Variants in PPP3CA observed in about 807,000 individuals in gnomAD.
PPP3CA encodes CAM-PRP catalytic subunit.
A neutral mutation model predicts 66.5 loss-of-function variants in PPP3CA; 14 were observed. The ratio of observed to expected loss-of-function variants is 0.21; its 90% CI spans 0.14 to 0.33. The LOEUF is 0.33. Among genes scored for constraint, PPP3CA ranks in the 10% least tolerant of loss-of-function variants. PPP3CA has a pLI of 1.00. For missense variants in PPP3CA, 317 were observed against 639.5 expected, an observed-to-expected ratio of 0.50 and a Z score of 5.44; for synonymous variants, 232 against 226.2, an observed-to-expected ratio of 1.03 and a Z score of -0.23.
intron 1 of PPP3CA, among the ~76,000 whole-genome samples, chr4:101,299,381 GT>G (rs1230207956): frequency 1.4e-5 from 2 of 144,156 alleles, no homozygotes; most frequent in African/African-American, 5.2e-5. Context: ...TTTTTTGTTT[GT>G]TTTTTGGGTT....
chr4:101,029,891 A>C (rs768287943), intron 12 of PPP3CA, among the ~76,000 whole-genome samples: 3 of 151,682 alleles, frequency 2.0e-5, no homozygotes, highest in Non-Finnish European at 4.4e-5. Context: ...TTTTCCAGCA[A>C]GCCCAATTAT....
chr4:101,135,016 C>A (rs562195144), intron 2 of PPP3CA, among the ~76,000 whole-genome samples: 1 of 151,886 alleles, frequency 6.6e-6, no homozygotes, highest in East Asian at 1.9e-4. Context: ...GGGAACTGAA[C>A]AATGAGAAAA....
intron 8 of PPP3CA, among the ~76,000 whole-genome samples, chr4:101,064,115 A>G (rs763440199): frequency 3.3e-5 from 5 of 152,008 alleles, no homozygotes; most frequent in Non-Finnish European, 5.9e-5. Context: ...ATGTGCTTCT[A>G]TCTGACTCTA....
intron 1 of PPP3CA, among the ~76,000 whole-genome samples, chr4:101,292,090 AC>A (rs1728046722): frequency 2.1e-5 from 1 of 47,836 alleles, no homozygotes; most frequent in African/African-American, 5.4e-5. Context: ...GAACACACAC[AC>A]ACACACACAC....
intron 10 of PPP3CA, among the ~76,000 whole-genome samples, chr4:101,051,203 T>C (rs1727993694): frequency 6.6e-6 from 1 of 152,112 alleles, no homozygotes; most frequent in African/African-American, 2.4e-5. Flanking sequence ...AGGAAAAAAT[T>C]AAACAGATTT....
In PPP3CA at chr4:101,098,492, G is replaced by T. The variant is rs777415869; in HGVS notation, c.517C>A (p.Arg173Ser). The T allele has an allele frequency of 2.5e-6, 4 of 1,606,724 alleles. No homozygotes were observed. The highest frequency in any genetic ancestry group is 3.4e-6 in the Non-Finnish European group (4 of 1,176,620). ...GCATCCATACAGGCATCATATACGC[G>T]TTCTGAATACTTTATTTTACCTTTT... Reference protein sequence around the residue: ...KQECKIKYSERVYDACMDAFD... With the variant: ...KQECKIKYSESVYDACMDAFD... Residue 173 changes from arginine (R) to serine (S), a missense_variant, in exon 5 of 14, where the codon CGC becomes AGC. Around this residue, in one of 3 missense-constraint regions of PPP3CA, gnomAD observed 201 missense variants for 501.4 expected, o/e 0.40. Coordinates refer to ENST00000394854, the MANE Select transcript of PPP3CA (RefSeq NM_000944.5).
chr4:101,181,345 A>G, intron 2 of PPP3CA, among the ~76,000 whole-genome samples: 1 of 152,126 alleles, frequency 6.6e-6, no homozygotes, highest in East Asian at 1.9e-4. Context: ...AAGATATCAA[A>G]TACTCAATAC....
chr4:101,249,649 C>T (rs1024486188), intron 1 of PPP3CA, among the ~76,000 whole-genome samples: 1 of 152,148 alleles, frequency 6.6e-6, no homozygotes, highest in African/African-American at 2.4e-5. Flanking sequence ...AGAGAACTTT[C>T]AGTCAACATT....
At chr4:101,076,408 G>A (rs1729193975) in intron 8 of PPP3CA, among the ~76,000 whole-genome samples, 1 of 151,996 alleles carries the variant, frequency 6.6e-6, no homozygotes, top group South Asian at 2.1e-4. Context: ...AGCCTCATGT[G>A]TCAAACTAAT....
At chr4:101,042,236 TTGCC>T (rs935957279) in intron 10 of PPP3CA, among the ~76,000 whole-genome samples, 26 of 151,276 alleles carry the variant, frequency 1.7e-4, no homozygotes, top group South Asian at 1.5e-3. Context: ...GTCACTTTCT[TTGCC>T]TGGGTGGGTA....
chr4:101,056,836 CAAAAAAA>C (rs572758644), intron 10 of PPP3CA, among the ~76,000 whole-genome samples: 1 of 79,724 alleles, frequency 1.3e-5, no homozygotes, highest in Non-Finnish European at 2.8e-5. Context: ...ATAATGTTAC[CAAAAAAA>C]AAAAAAAAAC....
rs1729088176 is a variant in PPP3CA, at chr4:101,322,957, A to G, written c.58+23782T>C. Among the ~76,000 whole-genome samples the G allele has an allele frequency of 2.0e-5, 3 of 152,180 alleles. No homozygotes were observed. In the South Asian group the frequency reaches 6.2e-4, roughly 32 times the overall value. ...TGCTGTTTTTTGCTACACTCAGCAT[A>G]TATATGTGTGTATATATGTATCAAT... On this transcript the variant is annotated intron_variant, in intron 1 of 13. Coordinates refer to ENST00000394854, the MANE Select transcript of PPP3CA (RefSeq NM_000944.5).
chr4:101,273,879 G>A (rs1727409685), intron 1 of PPP3CA, among the ~76,000 whole-genome samples: 1 of 151,880 alleles, frequency 6.6e-6, no homozygotes, highest in Non-Finnish European at 1.5e-5. Flanking sequence ...AAACATCTTG[G>A]GCCAAGAAGC....
intron 2 of PPP3CA, among the ~76,000 whole-genome samples, chr4:101,160,072 G>A (rs1406883062): frequency 6.6e-6 from 1 of 151,466 alleles, no homozygotes; most frequent in Non-Finnish European, 1.5e-5. Flanking sequence ...TGGGAAAGTA[G>A]AGAAGAAAAA....
chr4:101,105,544 CAG>C (rs917539946), intron 3 of PPP3CA, among the ~76,000 whole-genome samples: 4 of 150,204 alleles, frequency 2.7e-5, no homozygotes, highest in Non-Finnish European at 4.4e-5. Context: ...GGTTTGAGGA[CAG>C]AGATTCAGAA....
intron 1 of PPP3CA, among the ~76,000 whole-genome samples, chr4:101,327,810 T>C (rs1295956673): frequency 2.0e-5 from 3 of 152,128 alleles, no homozygotes; most frequent in African/African-American, 7.2e-5. Flanking sequence ...TTTCAGGCCA[T>C]GAAAACCCTT....
intron 8 of PPP3CA, among the ~76,000 whole-genome samples, chr4:101,069,392 G>A (rs1367107819): frequency 6.6e-6 from 1 of 152,050 alleles, no homozygotes; most frequent in Non-Finnish European, 1.5e-5. Flanking sequence ...AGGTGGAAAT[G>A]GAAATACATT....
chr4:101,334,466 T>C (rs1459677932), intron 1 of PPP3CA, among the ~76,000 whole-genome samples: 1 of 152,080 alleles, frequency 6.6e-6, no homozygotes, highest in South Asian at 2.1e-4. Context: ...GCATGGGATA[T>C]GGATTTAAAA....
At chr4:101,244,696 A>T (rs1726420821) in intron 1 of PPP3CA, among the ~76,000 whole-genome samples, 2 of 152,146 alleles carry the variant, frequency 1.3e-5, no homozygotes, top group Non-Finnish European at 2.9e-5. Flanking sequence ...CATACACTTT[A>T]TATGTTTCAG....
Sources: allele counts gnomAD v4.1 joint callset (sites outside exome capture counted in the v4.1 genomes callset), GRCh38; gene constraint gnomAD v4.1.1; regional missense constraint gnomAD v4.1.1; transcripts MANE v1.5; gene names NCBI Gene and HGNC (gene_info 2026-07-23, HGNC 2026-07-21).